The following TSNARE1 variants were observed in gnomAD, a reference collection of about 807,000 sequenced individuals.
TSNARE1 encodes t-SNARE domain containing 1, also known as t-SNARE domain-containing protein 1.
Under a neutral mutation model 62.0 loss-of-function variants are expected in TSNARE1, and 49 were observed. That is an observed-to-expected ratio of 0.79 (90% CI 0.63 to 1.00). The LOEUF is 1.00. Among genes scored for constraint, TSNARE1 ranks in the 50% least tolerant of loss-of-function variants. The pLI, the probability that TSNARE1 is intolerant of heterozygous loss-of-function variation, is 0.00. For missense variants in TSNARE1, 755 were observed against 700.1 expected, an observed-to-expected ratio of 1.08 and a Z score of -0.88; for synonymous variants, 328 against 294.4, an observed-to-expected ratio of 1.11 and a Z score of -1.17.
At chr8:142,220,325 A>T (rs1816152831) in intron 13 of TSNARE1, among the ~76,000 whole-genome samples, 1 of 152,214 alleles carries the variant, frequency 6.6e-6, no homozygotes, top group South Asian at 2.1e-4. Context: ...TCTGCTGCAC[A>T]GCACCCTCTG....
intron 12 of TSNARE1, among the ~76,000 whole-genome samples, chr8:142,244,015 T>C (rs1006132267): frequency 2.0e-5 from 3 of 151,888 alleles, no homozygotes; most frequent in African/African-American, 7.3e-5. Context: ...TGAAACCCCA[T>C]CTCTACTAAA....
At chr8:142,361,762 G>A (rs1174833032) in intron 1 of TSNARE1, among the ~76,000 whole-genome samples, 3 of 152,164 alleles carry the variant, frequency 2.0e-5, no homozygotes, top group Non-Finnish European at 4.4e-5. Context: ...CACAGGCAAG[G>A]CCGGAAAAGA....
intron 7 of TSNARE1, among the ~76,000 whole-genome samples, chr8:142,316,099 C>T (rs1474634746): frequency 6.8e-6 from 1 of 147,002 alleles, no homozygotes; most frequent in African/African-American, 2.4e-5. Flanking sequence ...GTAAGCGCAG[C>T]GCCTCCCGTA....
At position 142,291,731 on chromosome 8, in the gene TSNARE1, C is replaced by T. The variant is rs966616512; in HGVS notation, c.1291-7246G>A. Among the ~76,000 whole-genome samples, 9 of 152,132 alleles carry T rather than the reference C, an allele frequency of 5.9e-5. No individual in the cohort carries two copies. Among genetic ancestry groups the T allele is most frequent in the South Asian group, 2.1e-4 (1 of 4,830 alleles). On this transcript the variant is annotated intron_variant, in intron 10 of 13. Coordinates refer to ENST00000524325, the MANE Select transcript of TSNARE1 (RefSeq NM_145003.5). This position sits in a 1 kb window ranked among gnomAD's most constrained non-coding sequence, Gnocchi z 4.8. The stretch of plus-strand genomic sequence containing the variant: ...AGTGTGTGGGGGGCGAGCGTGGGAG[C>T]GGCAGGGGTTAGAGGACACCCCTGG...
chr8:142,303,127 C>T (rs189342251), intron 9 of TSNARE1, among the ~76,000 whole-genome samples: 4 of 152,298 alleles, frequency 2.6e-5, no homozygotes, highest in African/African-American at 7.2e-5. Flanking sequence ...TAACCTCAGT[C>T]GCCCTGCAAA....
At chr8:142,228,289 G>T (rs1816933669) in intron 13 of TSNARE1, among the ~76,000 whole-genome samples, 1 of 152,216 alleles carries the variant, frequency 6.6e-6, no homozygotes, top group African/African-American at 2.4e-5. Flanking sequence ...TGCAGTACCA[G>T]TAATGGATAT....
chr8:142,341,531 C>G (rs1356874022), intron 4 of TSNARE1, among the ~76,000 whole-genome samples: 1 of 152,200 alleles, frequency 6.6e-6, no homozygotes, highest in Admixed American at 6.5e-5. Flanking sequence ...AAGCAGAGTG[C>G]GCACCTGGGG....
At chr8:142,292,589 C>T (rs1823986058) in intron 10 of TSNARE1, among the ~76,000 whole-genome samples, 1 of 152,184 alleles carries the variant, frequency 6.6e-6, no homozygotes, top group Middle Eastern at 3.4e-3. Flanking sequence ...AGGAGGCTGT[C>T]GATGAGCTCT....
At chr8:142,244,647 C>T (rs1010579953) in intron 12 of TSNARE1, among the ~76,000 whole-genome samples, 5 of 152,156 alleles carry the variant, frequency 3.3e-5, no homozygotes, top group East Asian at 1.9e-4. Context: ...CGAGGGCCAA[C>T]GTCCCCAAGA....
chr8:142,227,955 G>T (rs962274133), intron 13 of TSNARE1, among the ~76,000 whole-genome samples: 6 of 152,206 alleles, frequency 3.9e-5, no homozygotes, highest in Admixed American at 3.9e-4. Context: ...GTGAGCAGCC[G>T]AGTACTGCAG....
intron 1 of TSNARE1, among the ~76,000 whole-genome samples, chr8:142,381,971 C>G (rs1173039080): frequency 6.6e-6 from 1 of 152,162 alleles, no homozygotes; most frequent in Non-Finnish European, 1.5e-5. Context: ...GGTGAGCAGG[C>G]CGCCACCTCC....
At chr8:142,313,794 G>A (rs1214839420) in intron 9 of TSNARE1, among the ~76,000 whole-genome samples, 1 of 152,134 alleles carries the variant, frequency 6.6e-6, no homozygotes, top group Non-Finnish European at 1.5e-5. Flanking sequence ...TTGTTTTTGA[G>A]ACAGAATCTC....
At chr8:142,335,642 A>C (rs2129685408) in intron 4 of TSNARE1, among the ~76,000 whole-genome samples, 1 of 152,338 alleles carries the variant, frequency 6.6e-6, no homozygotes, top group African/African-American at 2.4e-5. Flanking sequence ...AGGGGGAAAA[A>C]AAGGAAATAT....
intron 11 of TSNARE1, among the ~76,000 whole-genome samples, chr8:142,280,872 C>G (rs899241580): frequency 3.3e-5 from 5 of 152,102 alleles, no homozygotes; most frequent in African/African-American, 1.2e-4. Context: ...CCCAGCAGGC[C>G]CTGTATGGGG....
At chr8:142,334,929 T>C (rs1295861191) in intron 4 of TSNARE1, among the ~76,000 whole-genome samples, 1 of 152,188 alleles carries the variant, frequency 6.6e-6, no homozygotes, top group Non-Finnish European at 1.5e-5. Context: ...GTACAGGAAA[T>C]GTTAGAAGCA....
intron 1 of TSNARE1, among the ~76,000 whole-genome samples, chr8:142,376,822 A>G (rs1376319547): frequency 6.6e-6 from 1 of 152,196 alleles, no homozygotes; most frequent in African/African-American, 2.4e-5. Flanking sequence ...CCGAGCCATC[A>G]GTGGACACCC....
intron 13 of TSNARE1, among the ~76,000 whole-genome samples, chr8:142,224,279 G>A (rs1002759946): frequency 1.3e-5 from 2 of 152,230 alleles, no homozygotes; most frequent in Non-Finnish European, 2.9e-5. Context: ...AGTGCGGCAG[G>A]CGGGCTTTGC....
chr8:142,265,508 AG>A (rs931903984), intron 12 of TSNARE1, among the ~76,000 whole-genome samples: 10 of 152,214 alleles, frequency 6.6e-5, no homozygotes, highest in Non-Finnish European at 1.3e-4. Context: ...GAGGCACAGC[AG>A]GGCTTTTCCA....
At chr8:142,216,576 C>T (rs559068300) in intron 13 of TSNARE1, among the ~76,000 whole-genome samples, 1 of 152,200 alleles carries the variant, frequency 6.6e-6, no homozygotes, top group East Asian at 1.9e-4. Flanking sequence ...ACCCCCTGTC[C>T]CACCCCACCC....
Sources: gnomAD v4.1 joint callset for allele counts (sites outside exome capture counted in the v4.1 genomes callset) on GRCh38, gnomAD v4.1.1 for gene constraint, Gnocchi (gnomAD v3.1) non-coding constraint, MANE v1.5 for transcripts, NCBI Gene and HGNC (gene_info 2026-07-23, HGNC 2026-07-21) for gene names.